Variants in KCNJ6 observed in about 807,000 individuals in gnomAD.
The protein encoded by KCNJ6 is potassium inwardly rectifying channel subfamily J member 6.
Under a neutral mutation model 34.2 loss-of-function variants are expected in KCNJ6, and 9 were observed. That is an observed-to-expected ratio of 0.26 (90% CI 0.16 to 0.46). KCNJ6 has a LOEUF of 0.46. Ranked by LOEUF, KCNJ6 falls within the 20% of genes least tolerant of loss-of-function variation. The probability of loss-of-function intolerance (pLI) is 1.00; values close to 1 mark genes in which losing one functional copy is unlikely to be tolerated. For missense variants in KCNJ6, 236 were observed against 531.3 expected (o/e 0.44, Z 5.46); for synonymous variants, 196 against 207.1 (o/e 0.95, Z 0.46).
intron 1 of KCNJ6, among the ~76,000 whole-genome samples, chr21:37,913,617 AGACCAGCCT>A (rs949157344): frequency 6.6e-6 from 1 of 152,208 alleles, no homozygotes; most frequent in Non-Finnish European, 1.5e-5. Flanking sequence ...CATGAGTTCG[AGACCAGCCT>A]GACCAACATG....
Position 37,607,900 on chromosome 21 carries a change from T to C in KCNJ6, c.*17259A>G, listed in dbSNP as rs1462634765. ...CCTAAGTCCCTTCTAAAATAAACTC[T>C]TGTTTTGTGATTTTGCTGGACACAT... On this transcript the variant is annotated 3_prime_UTR_variant, in exon 4 of 4. Coordinates refer to ENST00000609713, the MANE Select transcript of KCNJ6 (RefSeq NM_002240.5). The C allele has an allele frequency of 2.6e-5, 4 of 152,364 alleles. No individual in the cohort carries two copies. The South Asian group carries it at 6.2e-4, about 24-fold the overall frequency. 9.4% of individuals were successfully genotyped at this position (152,364 alleles called of 1,614,324 possible). A position where few individuals can be genotyped will look rare whatever the true frequency, so the allele number is the denominator to read the frequency against.
chr21:37,709,237 C>T (rs1423829173), intron 3 of KCNJ6, among the ~76,000 whole-genome samples: 1 of 152,190 alleles, frequency 6.6e-6, no homozygotes, highest in African/African-American at 2.4e-5. Flanking sequence ...GTTGACTGGG[C>T]GCGGTGGCTC....
intron 3 of KCNJ6, among the ~76,000 whole-genome samples, chr21:37,639,334 CCT>C (rs1177814683): frequency 6.6e-6 from 1 of 152,194 alleles, no homozygotes; most frequent in Non-Finnish European, 1.5e-5. Context: ...CAACTACAAA[CCT>C]CTGAGGTAAA....
chr21:37,837,477 TAGA>T (rs915353723), intron 2 of KCNJ6, among the ~76,000 whole-genome samples: 1 of 152,230 alleles, frequency 6.6e-6, no homozygotes, highest in Non-Finnish European at 1.5e-5. Context: ...TTCCCTGCTC[TAGA>T]AGAAGACATT....
chr21:37,869,157 T>G (rs1244433646), intron 1 of KCNJ6, among the ~76,000 whole-genome samples: 3 of 152,320 alleles, frequency 2.0e-5, no homozygotes, highest in Admixed American at 2.0e-4. Context: ...AATCACACAC[T>G]CTGGGGACAT....
chr21:37,805,190 A>T (rs1233345966), intron 2 of KCNJ6, among the ~76,000 whole-genome samples: 4 of 152,126 alleles, frequency 2.6e-5, no homozygotes, highest in Non-Finnish European at 5.9e-5. Flanking sequence ...GATTGTGGTG[A>T]TGGTTGCATG....
chr21:37,800,670 C>A (rs2055264728), intron 2 of KCNJ6, among the ~76,000 whole-genome samples: 1 of 152,140 alleles, frequency 6.6e-6, no homozygotes, highest in South Asian at 2.1e-4. Context: ...CGCTGATAAC[C>A]CTTGATAAGC....
intron 2 of KCNJ6, among the ~76,000 whole-genome samples, chr21:37,810,793 GT>G (rs1372009228): frequency 6.6e-6 from 1 of 152,112 alleles, no homozygotes; most frequent in Admixed American, 6.5e-5. Flanking sequence ...TTTATTGCTG[GT>G]TCCTGGCACA....
intron 3 of KCNJ6, among the ~76,000 whole-genome samples, chr21:37,666,111 G>A (rs1200388569): frequency 6.6e-6 from 1 of 152,204 alleles, no homozygotes; most frequent in Non-Finnish European, 1.5e-5. Context: ...CACAGGTGGA[G>A]TGATCCTTCC....
At chr21:37,655,274 AGAGAGAGAGAGT>A (rs1387963630) in intron 3 of KCNJ6, among the ~76,000 whole-genome samples, 29 of 78,076 alleles carry the variant, frequency 3.7e-4, no homozygotes, top group African/African-American at 2.0e-3. Flanking sequence ...AGAGAGAGAG[AGAGAGAGAGAGT>A]GTAACCATGA....
At chr21:37,707,887 G>T (rs1163370812) in intron 3 of KCNJ6, among the ~76,000 whole-genome samples, 1 of 151,810 alleles carries the variant, frequency 6.6e-6, no homozygotes, top group African/African-American at 2.4e-5. Flanking sequence ...ATGCTAATTA[G>T]AGACTTCACA....
chr21:37,759,452 G>A (rs1406026003), intron 2 of KCNJ6, among the ~76,000 whole-genome samples: 1 of 152,164 alleles, frequency 6.6e-6, no homozygotes, highest in East Asian at 1.9e-4. Flanking sequence ...TTCTCACTGG[G>A]CTGCAGGCAC....
chr21:37,858,177 G>A (rs1323583814), intron 1 of KCNJ6, among the ~76,000 whole-genome samples: 1 of 151,964 alleles, frequency 6.6e-6, no homozygotes, highest in African/African-American at 2.4e-5. Context: ...GGATCATGAA[G>A]TCAGGAGATC....
chr21:37,900,337 A>C (rs2055810504), intron 1 of KCNJ6, among the ~76,000 whole-genome samples: 1 of 152,214 alleles, frequency 6.6e-6, no homozygotes, highest in East Asian at 1.9e-4. Flanking sequence ...TATGTTTTAG[A>C]ATCACTCACA....
At chr21:37,893,530 T>C (rs547972485) in intron 1 of KCNJ6, among the ~76,000 whole-genome samples, 4 of 152,314 alleles carry the variant, frequency 2.6e-5, no homozygotes, top group African/African-American at 9.6e-5. Context: ...TCTAGGGAAA[T>C]GTTGACTTCT....
At chr21:37,718,480 T>C (rs778939748) in intron 2 of KCNJ6, among the ~76,000 whole-genome samples, 33 of 152,234 alleles carry the variant, frequency 2.2e-4, no homozygotes, top group African/African-American at 6.3e-4. Flanking sequence ...TTAGTGTTTG[T>C]AATGAATTAG....
intron 1 of KCNJ6, among the ~76,000 whole-genome samples, chr21:37,848,146 G>A (rs377517194): frequency 9.2e-5 from 14 of 152,324 alleles, no homozygotes; most frequent in African/African-American, 3.4e-4. Flanking sequence ...ACCAGTGGGA[G>A]GAGGAAGGTG....
intron 1 of KCNJ6, among the ~76,000 whole-genome samples, chr21:37,894,870 C>T (rs190981042): frequency 2.6e-5 from 4 of 152,174 alleles, no homozygotes; most frequent in African/African-American, 9.6e-5. Flanking sequence ...TACAGTCTCA[C>T]CAGTTTTTTT....
chr21:37,794,119 A>G (rs1335500283), intron 2 of KCNJ6, among the ~76,000 whole-genome samples: 1 of 152,206 alleles, frequency 6.6e-6, no homozygotes, highest in African/African-American at 2.4e-5. Context: ...AGTTTCATGG[A>G]AGAGTTCTTT....
Sources: gnomAD v4.1 joint callset for allele counts (sites outside exome capture counted in the v4.1 genomes callset) on GRCh38, gnomAD v4.1.1 for gene constraint, MANE v1.5 for transcripts, NCBI Gene and HGNC (gene_info 2026-07-23, HGNC 2026-07-21) for gene names.